Variants in SEC63 observed in about 807,000 individuals in gnomAD.
SEC63 encodes translocation protein SEC63 homolog.
SEC63 carries 56 observed loss-of-function variants against 116.2 expected under a neutral mutation model. That is an observed-to-expected ratio of 0.48 (90% confidence interval 0.39 to 0.60). The LOEUF (loss-of-function observed/expected upper bound fraction) is 0.60. Among genes scored for constraint, SEC63 ranks in the 20% least tolerant of loss-of-function variants. The pLI, the probability that SEC63 is intolerant of heterozygous loss-of-function variation, is 0.00. For synonymous variants in SEC63, 273 were observed against 294.6 expected, an observed-to-expected ratio of 0.93 and a Z score of 0.75; for missense variants, 668 against 900.0, an observed-to-expected ratio of 0.74 and a Z score of 3.30.
chr6:107,907,339 C>T (rs926386401), intron 8 of SEC63, among the ~76,000 whole-genome samples: 2 of 152,244 alleles, frequency 1.3e-5, no homozygotes, highest in Middle Eastern at 3.4e-3. Context: ...GAGGCTAAGG[C>T]AGGCAAATCA....
At chr6:107,947,071 T>A (rs546009661) in intron 1 of SEC63, among the ~76,000 whole-genome samples, 1 of 151,950 alleles carries the variant, frequency 6.6e-6, no homozygotes, top group Non-Finnish European at 1.5e-5. Context: ...ACAAAGCTGA[T>A]ACAAGCTAGT....
chr6:107,875,111 G>T (rs999958980), intron 19 of SEC63, among the ~76,000 whole-genome samples: 2 of 151,958 alleles, frequency 1.3e-5, no homozygotes, highest in Admixed American at 1.3e-4. Flanking sequence ...TGATCTGCCC[G>T]CCTTGGCCTC....
rs753641653 is a variant in SEC63, at chr6:107,893,543, G to A, written c.1613C>T (p.Pro538Leu). 3 of 1,602,824 alleles carry A rather than the reference G, an allele frequency of 1.9e-6. No individual in the cohort carries two copies. The highest frequency in any genetic ancestry group is 1.2e-5 in the South Asian group (1 of 86,792). ...KKKPLKKKPTPVLLPQSKQQK... is the reference protein window; with the variant it reads ...KKKPLKKKPTLVLLPQSKQQK... The stretch of plus-strand genomic sequence containing the variant: ...TTGCTTTGACTGTGGTAATAGCACA[G>A]GTGTAGGTTTTTTTTTTAAAGGTTT... Residue 538 changes from proline to leucine, a missense_variant, in exon 16 of 21, where the codon CCT becomes CTT. By Grantham distance (98) the Pro-to-Leu change is moderately conservative. Transcript: ENST00000369002.
intron 19 of SEC63, among the ~76,000 whole-genome samples, chr6:107,874,595 C>CA (rs35096526): frequency 0.14 from 9,221 of 64,062 alleles, 669 homozygotes; most frequent in African/African-American, 0.21. Context: ...GACTCTGTCT[C>CA]AAAAAAAAAA....
chr6:107,914,252 C>T (rs1334892936), intron 4 of SEC63, among the ~76,000 whole-genome samples: 2 of 152,096 alleles, frequency 1.3e-5, no homozygotes, highest in East Asian at 3.8e-4. Flanking sequence ...AACCACCCCA[C>T]CAACACACAC....
intron 3 of SEC63, among the ~76,000 whole-genome samples, chr6:107,922,695 ACT>A (rs1397801378): frequency 1.3e-5 from 2 of 152,180 alleles, no homozygotes; most frequent in Admixed American, 6.5e-5. Context: ...TAATTTTTTC[ACT>A]GTTTTTTATT....
intron 1 of SEC63, among the ~76,000 whole-genome samples, chr6:107,935,142 C>G (rs1343694722): frequency 6.7e-6 from 1 of 148,330 alleles, no homozygotes; most frequent in Admixed American, 6.6e-5. Context: ...CCCCGCCCAG[C>G]CAGCTGCCCC....
intron 16 of SEC63, among the ~76,000 whole-genome samples, chr6:107,884,860 C>G (rs1786492387): frequency 6.6e-6 from 1 of 151,626 alleles, no homozygotes; most frequent in African/African-American, 2.4e-5. Flanking sequence ...GATATTTGTT[C>G]CAGGAATGCA....
intron 4 of SEC63, among the ~76,000 whole-genome samples, chr6:107,919,506 G>A (rs1787496338): frequency 6.6e-6 from 1 of 152,154 alleles, no homozygotes; most frequent in African/African-American, 2.4e-5. Context: ...GTGGCAGAAT[G>A]TGAGAGGATT....
At chr6:107,909,066 A>G (rs757064361) in intron 7 of SEC63, 31 bp from the exon 8 acceptor site, 1 of 1,481,830 alleles carries the variant, frequency 6.7e-7, no homozygotes, top group Non-Finnish European at 9.4e-7. Context: ...AACAAGAAAG[A>G]AAGTATAAAA....
intron 1 of SEC63, among the ~76,000 whole-genome samples, chr6:107,941,950 T>C (rs1583775021): frequency 6.6e-6 from 1 of 152,186 alleles, no homozygotes; most frequent in East Asian, 1.9e-4. Context: ...GAGACAAAAA[T>C]AAAAAGCTGA....
rs151270977 is a variant in SEC63 at position 107,897,814 on chromosome 6, A to C, written c.1358-83T>G. The C allele has an allele frequency of 7.6e-4, 683 of 895,302 alleles. 4 individuals are homozygous for C. The East Asian group carries it at 0.01, about 14-fold the overall frequency. 55.5% of individuals were successfully genotyped at this position (895,302 alleles called of 1,614,324 possible). A position where few individuals can be genotyped will look rare whatever the true frequency, so the allele number is the denominator to read the frequency against. Reference sequence around the variant, plus strand: ...CAAACAGCAAAACTTAGCTTACCCAAATTAGTTTGGCACTTTAGTATTTCA... The same window carrying C: ...CAAACAGCAAAACTTAGCTTACCCACATTAGTTTGGCACTTTAGTATTTCA... On this transcript the variant is annotated intron_variant, in intron 13 of 20. Coordinates refer to ENST00000369002, the MANE Select transcript of SEC63 (RefSeq NM_007214.5).
At chr6:107,954,464 T>TAAAAAAAAAAAAAAAATA (rs1770664915) in intron 1 of SEC63, 1 of 61,656 alleles carries the variant, frequency 1.6e-5, no homozygotes, top group African/African-American at 8.4e-5. Flanking sequence ...AATGATCAAT[T>TAAAAAAAAAAAAAAAATA]AAAAAAAAAA....
At chr6:107,891,202 C>CA (rs1786673367) in intron 16 of SEC63, among the ~76,000 whole-genome samples, 1 of 152,080 alleles carries the variant, frequency 6.6e-6, no homozygotes, top group African/African-American at 2.4e-5. Context: ...TCAGGTATAC[C>CA]AATCAAACAT....
chr6:107,918,216 A>G (rs1184520531), intron 4 of SEC63, among the ~76,000 whole-genome samples: 1 of 148,744 alleles, frequency 6.7e-6, no homozygotes, highest in Non-Finnish European at 1.5e-5. Context: ...GGATTACTGA[A>G]TATTTTAGGC....
At chr6:107,893,126 A>T (rs1296947482) in intron 16 of SEC63, among the ~76,000 whole-genome samples, 1 of 147,150 alleles carries the variant, frequency 6.8e-6, no homozygotes, top group East Asian at 2.0e-4. Flanking sequence ...ACACACACAC[A>T]CACACACACA....
chr6:107,918,903 CCTTTTTTT>C (rs1787480325), intron 4 of SEC63, among the ~76,000 whole-genome samples: 3 of 108,536 alleles, frequency 2.8e-5, no homozygotes, highest in African/African-American at 6.4e-5. Flanking sequence ...AAGCTGATTT[CCTTTTTTT>C]TTTTTTTTTT....
chr6:107,871,499 T>A lies in SEC63; in HGVS notation c.*205A>T. The A allele has an allele frequency of 1.7e-6, 1 of 605,284 alleles. No homozygotes were observed. The highest frequency in any genetic ancestry group is 3.0e-6 in the Non-Finnish European group (1 of 337,184). 37.5% of individuals were successfully genotyped at this position (605,284 alleles called of 1,614,324 possible). A position where few individuals can be genotyped will look rare whatever the true frequency, so the allele number is the denominator to read the frequency against. ...ATGAAATAAATGTACCATCCCCTAC[T>A]TGAAAGGTTTCAATAAGCCTTAACA... On this transcript the variant is annotated 3_prime_UTR_variant, in exon 21 of 21. Transcript: ENST00000369002.
chr6:107,929,276 T>C (rs1787744084), intron 2 of SEC63, 139 bp downstream of exon 2: 1 of 598,362 alleles, frequency 1.7e-6, no homozygotes, highest in African/African-American at 1.9e-5. Flanking sequence ...TGTTCCCACA[T>C]TTTCTCCTAT....
Sources: allele counts gnomAD v4.1 joint callset (sites outside exome capture counted in the v4.1 genomes callset), GRCh38; gene constraint gnomAD v4.1.1; transcripts MANE v1.5; gene names NCBI Gene and HGNC (gene_info 2026-07-23, HGNC 2026-07-21).